The following TMEM63C variants were observed in gnomAD, a reference collection of about 807,000 sequenced individuals.
TMEM63C encodes the protein transmembrane protein 63C.
TMEM63C carries 32 observed loss-of-function variants against 99.2 expected under a neutral mutation model. The observed-to-expected ratio is 0.32, with a 90% CI of 0.24 to 0.43. TMEM63C has a LOEUF of 0.43. Ranked by LOEUF, TMEM63C falls within the 20% of genes least tolerant of loss-of-function variation. TMEM63C has a pLI of 1.00. For synonymous variants in TMEM63C, 376 were observed against 397.9 expected (o/e 0.94, Z 0.66); for missense variants, 826 against 1,053.0 (o/e 0.78, Z 2.98).
intron 16 of TMEM63C, among the ~76,000 whole-genome samples, chr14:77,244,807 C>T (rs1002089535): frequency 6.6e-6 from 1 of 152,204 alleles, no homozygotes; most frequent in African/African-American, 2.4e-5. Flanking sequence ...GCAGAAGGCA[C>T]AGGAGGAAAG....
chr14:77,224,220 T>C (rs1408071448), intron 5 of TMEM63C, among the ~76,000 whole-genome samples: 2 of 152,116 alleles, frequency 1.3e-5, no homozygotes, highest in Middle Eastern at 3.4e-3. Flanking sequence ...CTATTTCTTT[T>C]GTGCCTTCTC....
At chr14:77,184,855 G>T (rs1258569797) in intron 1 of TMEM63C, among the ~76,000 whole-genome samples, 1 of 152,186 alleles carries the variant, frequency 6.6e-6, no homozygotes. Flanking sequence ...ACGAAGTATG[G>T]TGTGTCCTTG....
At chr14:77,236,500 G>T (rs1234396081) in intron 8 of TMEM63C, 124 bp from the exon 9 acceptor site, 2 of 686,006 alleles carry the variant, frequency 2.9e-6, no homozygotes. Context: ...GGGGGTCTGA[G>T]GAGACTGTGA....
intron 16 of TMEM63C, 71 bp downstream of exon 16, chr14:77,244,526 A>G: frequency 7.9e-7 from 1 of 1,261,704 alleles, no homozygotes; most frequent in South Asian, 1.2e-5. Context: ...CTTCCCCGCC[A>G]GCCTGGCACT....
intron 18 of TMEM63C, among the ~76,000 whole-genome samples, chr14:77,247,246 G>C (rs908499530): frequency 5.3e-5 from 8 of 152,048 alleles, no homozygotes; most frequent in African/African-American, 1.9e-4. Flanking sequence ...TGTCGCCCAG[G>C]CTGGAGTGCA....
At chr14:77,233,102 G>A (rs529738969) in intron 7 of TMEM63C, among the ~76,000 whole-genome samples, 2 of 152,332 alleles carry the variant, frequency 1.3e-5, no homozygotes, top group African/African-American at 2.4e-5. Context: ...TTTTCTGGAC[G>A]TTGCCAGTGG....
Position 77,253,374 on chromosome 14 carries a change from C to CTCGTGAG in TMEM63C, c.2220+1_2220+7dup. 1 of 1,609,432 alleles carries CTCGTGAG rather than the reference C, an allele frequency of 6.2e-7. No individual in the cohort carries two copies. Among genetic ancestry groups the CTCGTGAG allele is most frequent in the Non-Finnish European group, 8.5e-7 (1 of 1,178,254 alleles). On this transcript the variant is annotated frameshift_variant and splice_region_variant, in exon 23 of 24. Coordinates refer to ENST00000298351, the MANE Select transcript of TMEM63C (RefSeq NM_020431.4). LOFTEE classifies it high-confidence loss of function. Reference sequence around the variant, plus strand: ...CAGCACCTCCTCCACGCCCACCTCCCTCGTGAGTCCTGAGTCCCAGGGACA... The same window carrying CTCGTGAG: ...CAGCACCTCCTCCACGCCCACCTCCCTCGTGAGTCGTGAGTCCTGAGTCCCAGGGACA...
At chr14:77,203,143 C>A (rs185538749) in intron 1 of TMEM63C, among the ~76,000 whole-genome samples, 169 of 152,164 alleles carry the variant, frequency 1.1e-3, no homozygotes, top group African/African-American at 4.0e-3. Context: ...TTTGGGAGGC[C>A]GAGGTGGGTG....
At position 77,256,877 on chromosome 14, in the gene TMEM63C, A is replaced by G; in HGVS notation, c.*151A>G. The G allele has an allele frequency of 1.4e-6, 1 of 731,846 alleles. No individual in the cohort carries two copies. The highest frequency in any genetic ancestry group is 1.9e-5 in the South Asian group (1 of 53,446). The allele number at this position is 731,846 out of a possible 1,614,324, so 45.3% of individuals were successfully genotyped here. On this transcript the variant is annotated 3_prime_UTR_variant, in exon 24 of 24. Transcript: ENST00000298351. ...ACATCCACCACCCCAGCCATGGGCC[A>G]TACGGGGGTCCTGACCTGCTGCCCG...
intron 23 of TMEM63C, 71 bp from the exon 24 acceptor site, chr14:77,256,455 G>A: frequency 1.3e-6 from 2 of 1,481,858 alleles, no homozygotes; most frequent in Non-Finnish European, 1.9e-6. Flanking sequence ...GGGGCATGAG[G>A]GGAGAGGGTG....
chr14:77,220,178 G>C lies in TMEM63C; in HGVS notation c.312+91G>C. 2.4e-6 allele frequency: 3 copies of C among 1,275,290 alleles called. 1 individual carries two copies. The South Asian group carries it at 3.9e-5, about 16-fold the overall frequency. 79.0% of individuals were successfully genotyped at this position (1,275,290 alleles called of 1,614,324 possible). A position where few individuals can be genotyped will look rare whatever the true frequency, so the allele number is the denominator to read the frequency against. ...AGGAAGAAACACGGCTTAGACCTTG[G>C]GGCTTTGTAATCAGCCAGCCTCAAC... is the stretch of plus-strand genomic sequence containing the variant. On this transcript the variant is annotated intron_variant, in intron 5 of 23. Transcript: ENST00000298351.
In TMEM63C at chr14:77,256,741, C is replaced by G; in HGVS notation, c.*15C>G. The G allele has an allele frequency of 1.2e-6, 2 of 1,611,792 alleles. No individual in the cohort carries two copies. Among genetic ancestry groups the G allele is most frequent in the South Asian group, 2.2e-5 (2 of 90,984 alleles). On this transcript the variant is annotated 3_prime_UTR_variant, in exon 24 of 24. Transcript: ENST00000298351. Reference sequence around the variant, plus strand: ...AGTACCACTGACCGGGACCTGAGGCCTCCACTGGCGACTTGTTGAGGGGTC... The same window carrying G: ...AGTACCACTGACCGGGACCTGAGGCGTCCACTGGCGACTTGTTGAGGGGTC...
chr14:77,226,316 C>A (rs1477964503), intron 6 of TMEM63C, among the ~76,000 whole-genome samples: 1 of 152,176 alleles, frequency 6.6e-6, no homozygotes, highest in Non-Finnish European at 1.5e-5. Flanking sequence ...AGCAGGAAGG[C>A]AGGGCATTGC....
intron 1 of TMEM63C, among the ~76,000 whole-genome samples, chr14:77,186,364 C>A (rs1396985161): frequency 6.6e-6 from 1 of 152,118 alleles, no homozygotes; most frequent in Non-Finnish European, 1.5e-5. Flanking sequence ...GGCTGACCAA[C>A]AATGTCGACT....
intron 23 of TMEM63C, among the ~76,000 whole-genome samples, chr14:77,253,791 G>A (rs1889415280): frequency 6.6e-6 from 1 of 152,234 alleles, no homozygotes; most frequent in Non-Finnish European, 1.5e-5. Flanking sequence ...AGTCTGCACT[G>A]ATGGTAAGGC....
intron 2 of TMEM63C, among the ~76,000 whole-genome samples, chr14:77,217,189 C>G (rs1369470000): frequency 6.6e-6 from 1 of 152,112 alleles, no homozygotes; most frequent in Non-Finnish European, 1.5e-5. Context: ...GGCTCACTCC[C>G]CATGCCCTTT....
At chr14:77,207,995 A>C (rs1888432852) in intron 1 of TMEM63C, among the ~76,000 whole-genome samples, 1 of 152,186 alleles carries the variant, frequency 6.6e-6, no homozygotes. Flanking sequence ...CCCCCAGCTC[A>C]GGCCCTAACT....
chr14:77,249,240 A>C, intron 20 of TMEM63C, 51 bp from the exon 21 acceptor site: 1 of 1,589,602 alleles, frequency 6.3e-7, no homozygotes, highest in Non-Finnish European at 8.6e-7. Flanking sequence ...GGAGCCACAA[A>C]GGTCCAGACT....
intron 1 of TMEM63C, among the ~76,000 whole-genome samples, chr14:77,202,825 G>GCACACACACACA: frequency 7.1e-6 from 1 of 141,112 alleles, no homozygotes; most frequent in East Asian, 2.3e-4. Context: ...ACAGGCAGGC[G>GCACACACACACA]CACACACACA....
Sources: allele counts gnomAD v4.1 joint callset (sites outside exome capture counted in the v4.1 genomes callset), GRCh38; gene constraint gnomAD v4.1.1; transcripts MANE v1.5; gene names NCBI Gene and HGNC (gene_info 2026-07-23, HGNC 2026-07-21).